Variants in EIF3B observed in about 807,000 individuals in gnomAD.
The protein encoded by EIF3B is eukaryotic translation initiation factor 3 subunit 9.
A neutral mutation model predicts 104.6 loss-of-function variants in EIF3B; 10 were observed. The ratio of observed to expected loss-of-function variants is 0.10; its 90% CI spans 0.06 to 0.16. EIF3B has a LOEUF of 0.16. Ranked by LOEUF, EIF3B falls within the 10% of genes least tolerant of loss-of-function variation. The pLI is 1.00. For synonymous variants in EIF3B, 542 were observed against 417.2 expected, an observed-to-expected ratio of 1.30 and a Z score of -3.65; for missense variants, 1,014 against 1,087.9, an observed-to-expected ratio of 0.93 and a Z score of 0.96.
intron 10 of EIF3B, among the ~76,000 whole-genome samples, chr7:2,371,513 G>A (rs1177578930): frequency 1.3e-5 from 2 of 152,160 alleles, no homozygotes; most frequent in African/African-American, 2.4e-5. Flanking sequence ...CAAGTGTGGC[G>A]GGCAGGGCGG....
chr7:2,354,828 T>G lies in EIF3B; in HGVS notation c.-94T>G, dbSNP rs1169706851. 8.8e-6 allele frequency: 9 copies of G among 1,026,464 alleles called. No homozygotes were observed. The highest frequency in any genetic ancestry group is 8.3e-5 in the East Asian group (1 of 12,110). The allele number at this position is 1,026,464 out of a possible 1,614,324, so 63.6% of individuals were successfully genotyped here. On this transcript the variant is annotated 5_prime_UTR_variant, in exon 1 of 19. An upstream start codon of the reference 5' UTR is lost. Transcript: ENST00000360876. ...GTGCGGCCTCCCCGTCGCACGCACA[T>G]GGCTGGGCTGTAGCCGTCGCGGCGC...
chr7:2,362,313 A>G (rs939028154), intron 2 of EIF3B, among the ~76,000 whole-genome samples: 2 of 152,178 alleles, frequency 1.3e-5, no homozygotes, highest in African/African-American at 4.8e-5. Context: ...GTAAATCTGC[A>G]TAGTTTTAAA....
At position 2,363,643 on chromosome 7, in the gene EIF3B, T is replaced by A. The variant is rs1471143167; in HGVS notation, c.882T>A (p.Arg294=). The change falls in exon 5 of 19, where the codon CGT becomes CGA. Residue 294 remains arginine (R), a synonymous_variant. Transcript: ENST00000360876. ...TCTTTGTTTTTAAGGGGAACTTACGTTACTGGCTTGAAGAGGCAGAATGCA... is the reference window on the plus strand; with the variant it reads ...TCTTTGTTTTTAAGGGGAACTTACGATACTGGCTTGAAGAGGCAGAATGCA... ...KQPFKDLGNL[R]YWLEEAECRD... The A allele has an allele frequency of 5.0e-6, 8 of 1,603,874 alleles. No individual in the cohort carries two copies. Among genetic ancestry groups the A allele is most frequent in the Non-Finnish European group, 6.8e-6 (8 of 1,177,338 alleles).
At chr7:2,361,691 T>TA (rs1466328979) in intron 2 of EIF3B, among the ~76,000 whole-genome samples, 20 of 152,274 alleles carry the variant, frequency 1.3e-4, no homozygotes, top group Admixed American at 1.2e-3. Flanking sequence ...AGTGCTGGGA[T>TA]TACAGGCCTG....
Position 2,362,696 on chromosome 7 carries a change from G to C in EIF3B, c.744G>C (p.Lys248Asn), listed in dbSNP as rs369741313. The C allele has an allele frequency of 6.2e-7, 1 of 1,614,250 alleles. No individual in the cohort carries two copies. Among genetic ancestry groups the C allele is most frequent in the Non-Finnish European group, 8.5e-7 (1 of 1,180,048 alleles). The change falls in exon 3 of 19, where the codon AAG becomes AAC. Residue 248 changes from lysine (K) to asparagine (N), a missense_variant. Lys to Asn is a moderately conservative substitution (Grantham distance 94). Around this residue, in one of 4 missense-constraint regions of EIF3B, gnomAD observed 488 missense variants for 404.3 expected, o/e 1.21. Transcript: ENST00000360876. ...CTGCCCACGCTGTGGATGCTGTGAAGAACGCCGACGGCTACAAGCTTGACA... is the reference window on the plus strand; with the variant it reads ...CTGCCCACGCTGTGGATGCTGTGAACAACGCCGACGGCTACAAGCTTGACA... ...ASPAHAVDAV[K>N]NADGYKLDKQ... is the part of the protein sequence containing the mutation.
chr7:2,365,751 C>G (rs1185825813), intron 6 of EIF3B, among the ~76,000 whole-genome samples: 1 of 148,956 alleles, frequency 6.7e-6, no homozygotes, highest in Non-Finnish European at 1.5e-5. Flanking sequence ...TACCAGTTCA[C>G]TGCAACCTCC....
intron 1 of EIF3B, 145 bp downstream of exon 1, chr7:2,355,565 A>T: frequency 8.3e-7 from 1 of 1,205,386 alleles, no homozygotes; most frequent in African/African-American, 1.6e-5. Context: ...CCACCGAGGG[A>T]GGGGTTCCCG....
chr7:2,354,941 T>C lies in EIF3B; in HGVS notation c.20T>C (p.Val7Ala). Reference protein sequence around the residue: MQDAENVAVPEAAEERA... With the variant: MQDAENAAVPEAAEERA... ...GGGCCCATGCAGGACGCGGAGAACG[T>C]GGCGGTGCCCGAGGCGGCCGAGGAG... is the stretch of plus-strand genomic sequence containing the variant. Residue 7 changes from valine to alanine, a missense_variant, in exon 1 of 19, where the codon GTG becomes GCG. This residue lies in a region of EIF3B where 488 missense variants were observed against 404.3 expected (regional missense o/e 1.21). Transcript: ENST00000360876. 8.2e-7 allele frequency: 1 copy of C among 1,226,246 alleles called. No homozygotes were observed. Among genetic ancestry groups the C allele is most frequent in the Non-Finnish European group, 1.0e-6 (1 of 976,398 alleles). 76.0% of individuals were successfully genotyped at this position (1,226,246 alleles called of 1,614,324 possible). A position where few individuals can be genotyped will look rare whatever the true frequency, so the allele number is the denominator to read the frequency against.
intron 1 of EIF3B, among the ~76,000 whole-genome samples, chr7:2,358,831 G>A (rs913684070): frequency 1.3e-5 from 2 of 152,198 alleles, no homozygotes; most frequent in African/African-American, 4.8e-5. Flanking sequence ...GCCTGGCCGT[G>A]TTCTAAATTC....
intron 1 of EIF3B, 109 bp downstream of exon 1, chr7:2,355,529 G>A: frequency 1.5e-6 from 2 of 1,363,454 alleles, no homozygotes; most frequent in Middle Eastern, 2.6e-4. Flanking sequence ...AAGTTCCAGC[G>A]AGGGTGTCCG....
chr7:2,362,808 A>G (rs1261734509), intron 3 of EIF3B, 44 bp downstream of exon 3: 2 of 1,611,912 alleles, frequency 1.2e-6, no homozygotes, highest in South Asian at 1.1e-5. Context: ...TTGACGTGCA[A>G]GTGACTGGCT....
intron 11 of EIF3B, chr7:2,372,222 G>T: frequency 4.1e-6 from 1 of 245,018 alleles, no homozygotes; most frequent in Non-Finnish European, 8.0e-6. Context: ...AGAGAAAAGA[G>T]ATTGAGCCTG....
Position 2,354,988 on chromosome 7 carries a change from C to A in EIF3B, c.67C>A (p.Gln23Lys). ...AEERAEPGQQ[Q>K]PAAEPPPAEG... ...GGAGCGCGCCGAGCCCGGCCAGCAG[C>A]AGCCGGCCGCCGAGCCGCCGCCAGC... The change falls in exon 1 of 19, where the codon CAG (glutamine) becomes AAG (lysine). Residue 23 changes from glutamine (Q) to lysine (K), a missense_variant. Coordinates refer to ENST00000360876, the MANE Select transcript of EIF3B (RefSeq NM_001037283.2). The A allele has an allele frequency of 8.5e-7, 1 of 1,170,478 alleles. No homozygotes were observed. Among genetic ancestry groups the A allele is most frequent in the South Asian group, 3.8e-5 (1 of 26,354 alleles). The allele number at this position is 1,170,478 out of a possible 1,614,324, so 72.5% of individuals were successfully genotyped here.
At chr7:2,370,105 G>A (rs996993913) in intron 10 of EIF3B, among the ~76,000 whole-genome samples, 8 of 152,224 alleles carry the variant, frequency 5.3e-5, no homozygotes, top group African/African-American at 1.9e-4. Flanking sequence ...CTAAGCACAA[G>A]GAGTAGTATA....
intron 10 of EIF3B, among the ~76,000 whole-genome samples, chr7:2,370,525 CTTCT>C (rs767344124): frequency 1.3e-5 from 2 of 152,182 alleles, no homozygotes; most frequent in Non-Finnish European, 2.9e-5. Flanking sequence ...TAGAAGTATT[CTTCT>C]TTCTTTTATG....
chr7:2,376,685 G>A (rs1780649326), intron 14 of EIF3B: 2 of 422,298 alleles, frequency 4.7e-6, no homozygotes, highest in Non-Finnish European at 8.5e-6. Context: ...TCCAGCATGG[G>A]GTTCTTATTG....
chr7:2,357,729 T>C (rs1273417475), intron 1 of EIF3B, among the ~76,000 whole-genome samples: 1 of 152,250 alleles, frequency 6.6e-6, no homozygotes, highest in Non-Finnish European at 1.5e-5. Context: ...GTGTAACCGA[T>C]GCTTGGGCTG....
chr7:2,362,892 G>A lies in EIF3B; in HGVS notation c.812+128G>A, dbSNP rs191057443. 2.0e-4 allele frequency: 290 copies of A among 1,484,442 alleles called. 1 individual carries two copies. In the African/African-American group the frequency reaches 3.0e-3, roughly 15 times the overall value. 92.0% of individuals were successfully genotyped at this position (1,484,442 alleles called of 1,614,324 possible). A position where few individuals can be genotyped will look rare whatever the true frequency, so the allele number is the denominator to read the frequency against. The stretch of plus-strand genomic sequence containing the variant: ...TCACATCCTTTCTGGTCAGGCTGCC[G>A]CAGAGCCATTTCACAGCCCTGCCCC... On this transcript the variant is annotated intron_variant, in intron 3 of 18. Transcript: ENST00000360876.
intron 6 of EIF3B, 152 bp downstream of exon 6, chr7:2,364,681 A>C (rs918906235): frequency 1.4e-6 from 1 of 709,154 alleles, no homozygotes; most frequent in East Asian, 2.8e-5. Context: ...ATCTTCTCAC[A>C]TTTGGTTGCA....
Sources: gnomAD v4.1 joint callset for allele counts (sites outside exome capture counted in the v4.1 genomes callset) on GRCh38, gnomAD v4.1.1 for gene constraint, gnomAD v4.1.1 regional missense constraint, MANE v1.5 for transcripts, NCBI Gene and HGNC (gene_info 2026-07-23, HGNC 2026-07-21) for gene names.